The following INVS variants were observed in gnomAD, a reference collection of about 807,000 sequenced individuals.
INVS encodes inversion of embryo turning homolog.
Under a neutral mutation model 108.8 loss-of-function variants are expected in INVS, and 86 were observed. The ratio of observed to expected loss-of-function variants is 0.79; its 90% CI spans 0.66 to 0.95. The LOEUF is 0.95. Among genes scored for constraint, INVS ranks in the 40% least tolerant of loss-of-function variants. The pLI is 0.00. For synonymous variants in INVS, 455 were observed against 473.5 expected (o/e 0.96, Z 0.51); for missense variants, 1,169 against 1,297.4 (o/e 0.90, Z 1.52).
intron 3 of INVS, among the ~76,000 whole-genome samples, chr9:100,189,132 A>G (rs1399251043): frequency 1.7e-5 from 1 of 58,612 alleles, no homozygotes; most frequent in African/African-American, 1.1e-4. Flanking sequence ...TTTTTTGGTT[A>G]ATATAGCTAA....
intron 3 of INVS, chr9:100,175,750 C>T (rs980959933): frequency 1.4e-5 from 9 of 625,976 alleles, no homozygotes; most frequent in East Asian, 7.6e-5. Flanking sequence ...TGTAGCAGTT[C>T]GGCCTGGGGC....
At position 100,203,206 on chromosome 9, in the gene INVS, AT is replaced by A. The variant is rs376813692; in HGVS notation, c.274-22847del. Among the ~76,000 whole-genome samples the A allele has an allele frequency of 5.9e-3, 901 of 151,690 alleles. 10 individuals are homozygous for A. Among genetic ancestry groups the A allele is most frequent in the African/African-American group, 0.02 (833 of 41,390 alleles). On this transcript the variant is annotated intron_variant, in intron 3 of 16. Transcript: ENST00000262457. ...ATAAAGTAGCTTGAAAGAACTCTTG[AT>A]TTTTTTTTAAATGCTTGCTTCAAAC...
At chr9:100,167,050 G>A (rs147283822) in intron 3 of INVS, among the ~76,000 whole-genome samples, 2,173 of 152,078 alleles carry the variant, frequency 0.014, 44 homozygotes, top group African/African-American at 0.05. Flanking sequence ...GGCCAACATG[G>A]CGAAACCCCA....
In INVS at chr9:100,292,380, A is replaced by G. The variant is rs770047072; in HGVS notation, c.2123A>G (p.Asn708Ser). 5.7e-5 allele frequency: 92 copies of G among 1,614,072 alleles called. 2 individuals are homozygous for G. In the South Asian group the frequency reaches 9.1e-4, roughly 16 times the overall value. ...TCTGCTTGTGTCCACTTCAGACCCA[A>G]TGAAGGCAGTGATGGAAGCAGGCAT... ...GQSACVHFRP[N>S]EGSDGSRHPG... Residue 708 changes from asparagine (N) to serine (S), a missense_variant, in exon 14 of 17, where the codon AAT becomes AGT. Asn to Ser is a conservative substitution (Grantham distance 46). Transcript: ENST00000262457.
In INVS at chr9:100,284,482, G is replaced by A; in HGVS notation, c.1947G>A (p.Val649=). Residue 649 remains valine (V), a synonymous_variant, in exon 13 of 17, where the codon GTG becomes GTA. Transcript: ENST00000262457. ...APSKQPPAGN[V]AQGPEPRDSR... ...GCAAGCAGCCTCCTGCTGGCAACGTGGCCCAAGGCCCTGAGCCAAGAGACA... is the reference window on the plus strand; with the variant it reads ...GCAAGCAGCCTCCTGCTGGCAACGTAGCCCAAGGCCCTGAGCCAAGAGACA... 6.2e-7 allele frequency: 1 copy of A among 1,614,112 alleles called. No homozygotes were observed. The highest frequency in any genetic ancestry group is 8.5e-7 in the Non-Finnish European group (1 of 1,180,004).
At chr9:100,147,549 C>T (rs1355470505) in intron 3 of INVS, among the ~76,000 whole-genome samples, 1 of 152,126 alleles carries the variant, frequency 6.6e-6, no homozygotes, top group Non-Finnish European at 1.5e-5. Flanking sequence ...GGATAGTTAT[C>T]TAAATTGCAA....
Position 100,300,932 on chromosome 9 carries a change from T to G in INVS, c.*258T>G. On this transcript the variant is annotated 3_prime_UTR_variant, in exon 17 of 17. Transcript: ENST00000262457. ...TGTCTGTGCAAAGTGCCTGAGTGTC[T>G]GCTTTCACCTCAGTCTGTACAGTTG... 1.9e-6 allele frequency: 1 copy of G among 518,340 alleles called. No homozygotes were observed. Among genetic ancestry groups the G allele is most frequent in the South Asian group, 2.1e-5 (1 of 47,634 alleles). 32.1% of individuals were successfully genotyped at this position (518,340 alleles called of 1,614,324 possible). A position where few individuals can be genotyped will look rare whatever the true frequency, so the allele number is the denominator to read the frequency against.
intron 5 of INVS, 85 bp from the exon 6 acceptor site, chr9:100,239,975 A>T (rs943747617): frequency 7.0e-6 from 9 of 1,281,782 alleles, no homozygotes; most frequent in Non-Finnish European, 1.0e-5. Flanking sequence ...TCTCTAAAAA[A>T]GAAAGAAAGA....
chr9:100,283,245 G>A (rs747642278), intron 12 of INVS, among the ~76,000 whole-genome samples: 76 of 152,192 alleles, frequency 5.0e-4, no homozygotes, highest in Non-Finnish European at 6.8e-4. Flanking sequence ...TCAAGGCTGC[G>A]GTGAGCTAAG....
At chr9:100,105,577 C>CTGCT (rs1827145764) in intron 2 of INVS, among the ~76,000 whole-genome samples, 1 of 152,180 alleles carries the variant, frequency 6.6e-6, no homozygotes, top group African/African-American at 2.4e-5. Flanking sequence ...TTCTCTTCCT[C>CTGCT]TGCTTATCCT....
At position 100,297,925 on chromosome 9, in the gene INVS, G is replaced by C; in HGVS notation, c.3017-11G>C. ...GGCCAAAGAAAAGTAACAGTTGTTGGTTCATTTCAGGTTGTTCTCACGAAG... is the reference window on the plus strand; with the variant it reads ...GGCCAAAGAAAAGTAACAGTTGTTGCTTCATTTCAGGTTGTTCTCACGAAG... On this transcript the variant is annotated splice_polypyrimidine_tract_variant and intron_variant, in intron 15 of 16. Transcript: ENST00000262457. 1 of 1,614,082 alleles carries C rather than the reference G, an allele frequency of 6.2e-7. No homozygotes were observed. The highest frequency in any genetic ancestry group is 8.5e-7 in the Non-Finnish European group (1 of 1,179,942).
In INVS at chr9:100,301,583, C is replaced by A. The variant is rs1833970674; in HGVS notation, c.*909C>A. On this transcript the variant is annotated 3_prime_UTR_variant, in exon 17 of 17. Coordinates refer to ENST00000262457, the MANE Select transcript of INVS (RefSeq NM_014425.5). The stretch of plus-strand genomic sequence containing the variant: ...CACACATCCTAGCATTCTAAGAACA[C>A]CTGGTTTAAATAAAATCCAGTGATG... Among the ~76,000 whole-genome samples, 1 of 152,150 alleles carries A rather than the reference C, an allele frequency of 6.6e-6. No homozygotes were observed. The highest frequency in any genetic ancestry group is 1.5e-5 in the Non-Finnish European group (1 of 68,034).
rs3813712 is a variant in INVS at position 100,298,104 on chromosome 9, T to G, written c.3091+94T>G. 0.64 allele frequency: 1,023,798 copies of G among 1,596,600 alleles called. 335,229 individuals carry two copies. Among genetic ancestry groups the G allele is most frequent in the East Asian group, 0.91 (40,802 of 44,604 alleles). ...CAAAGACAGAAGACATTAGAACAGA[T>G]ATGGCCAGGGTTTTCCAATGGTCAT... On this transcript the variant is annotated intron_variant, in intron 16 of 16. Coordinates refer to ENST00000262457, the MANE Select transcript of INVS (RefSeq NM_014425.5).
intron 11 of INVS, among the ~76,000 whole-genome samples, chr9:100,271,784 T>C (rs1482325137): frequency 6.6e-6 from 1 of 152,236 alleles, no homozygotes; most frequent in Non-Finnish European, 1.5e-5. Flanking sequence ...GGAACTGTTA[T>C]CTTTGTCTTT....
At chr9:100,274,248 C>T (rs542884858) in intron 12 of INVS, among the ~76,000 whole-genome samples, 2 of 152,110 alleles carry the variant, frequency 1.3e-5, no homozygotes, top group East Asian at 3.9e-4. Flanking sequence ...ATGCCAGCTA[C>T]TCGGGAGGCT....
chr9:100,181,298 G>A (rs917009714), intron 3 of INVS, among the ~76,000 whole-genome samples: 2 of 152,140 alleles, frequency 1.3e-5, no homozygotes, highest in Non-Finnish European at 2.9e-5. Context: ...GAAATAAAGG[G>A]TATTCAAATA....
chr9:100,109,994 C>G (rs1012677229), intron 2 of INVS, among the ~76,000 whole-genome samples: 17 of 152,206 alleles, frequency 1.1e-4, no homozygotes, highest in Non-Finnish European at 2.9e-5. Context: ...TCTTCTGACA[C>G]AGTATTTAGA....
rs775086347 is a variant in INVS, at chr9:100,126,389, C to G, written c.113C>G (p.Ser38Cys). The G allele has an allele frequency of 6.2e-7, 1 of 1,612,776 alleles. No homozygotes were observed. Among genetic ancestry groups the G allele is most frequent in the South Asian group, 1.1e-5 (1 of 91,054 alleles). ...CTGTTTCTTATCCTTATAGGAAACT[C>G]TGCTCTTAAAGACAAAGAAGATCAG... ...GALQRLIVGN[S>C]ALKDKEDQFG... is the part of the protein sequence containing the mutation. Residue 38 changes from serine to cysteine, a missense_variant, in exon 3 of 17, where the codon TCT becomes TGT. By Grantham distance (112) the Ser-to-Cys change is moderately radical (BLOSUM62 -1). Coordinates refer to ENST00000262457, the MANE Select transcript of INVS (RefSeq NM_014425.5).
At chr9:100,135,359 G>A (rs1372303246) in intron 3 of INVS, among the ~76,000 whole-genome samples, 1 of 152,116 alleles carries the variant, frequency 6.6e-6, no homozygotes, top group African/African-American at 2.4e-5. Context: ...AGATGAACAT[G>A]CAGCAGAATC....
Sources: gnomAD v4.1 joint callset for allele counts (sites outside exome capture counted in the v4.1 genomes callset) on GRCh38, gnomAD v4.1.1 for gene constraint, MANE v1.5 for transcripts, NCBI Gene and HGNC (gene_info 2026-07-23, HGNC 2026-07-21) for gene names.